Variants in SLC20A2 observed in about 807,000 individuals in gnomAD.
The protein encoded by SLC20A2 is solute carrier family 20 member 2, also known as sodium-dependent phosphate transporter 2.
In SLC20A2, 30 loss-of-function variants were observed where a neutral mutation model predicts 61.0. The ratio of observed to expected loss-of-function variants is 0.49; its 90% CI spans 0.37 to 0.67. SLC20A2 has a LOEUF of 0.67. Among genes scored for constraint, SLC20A2 ranks in the 30% least tolerant of loss-of-function variants. SLC20A2 has a pLI of 0.00. For synonymous variants in SLC20A2, 351 were observed against 353.3 expected, an observed-to-expected ratio of 0.99 and a Z score of 0.07; for missense variants, 626 against 866.4, an observed-to-expected ratio of 0.72 and a Z score of 3.48.
At chr8:42,460,158 G>T in intron 4 of SLC20A2, 166 bp from the exon 5 acceptor site, 1 of 538,646 alleles carries the variant, frequency 1.9e-6, no homozygotes, top group Non-Finnish European at 3.4e-6. Flanking sequence ...CACTTCTGCA[G>T]AAATGGCATT....
At chr8:42,541,055 G>T (rs1480413788) in intron 1 of SLC20A2, 1 of 152,118 alleles carries the variant, frequency 6.6e-6, no homozygotes, top group Admixed American at 6.5e-5. Context: ...ATATGAAAAG[G>T]GACTCTATGC....
At position 42,526,566 on chromosome 8, in the gene SLC20A2, G is replaced by A. The variant is rs940606038; in HGVS notation, c.-265+15255C>T. On this transcript the variant is annotated intron_variant, in intron 1 of 10. Coordinates refer to the SLC20A2 transcript ENST00000342228. ...TGGGCACCTGTAGTCTCAGCTACTC[G>A]GGAGGCTGAGCCAGGAGAATGGCGT... is the stretch of plus-strand genomic sequence containing the variant. Among the ~76,000 whole-genome samples, 101 of 151,820 alleles carry A rather than the reference G, an allele frequency of 6.7e-4. 1 individual carries two copies. Among genetic ancestry groups the A allele is most frequent in the African/African-American group, 2.3e-3 (94 of 41,394 alleles).
chr8:42,538,551 G>A (rs1049991507), intron 1 of SLC20A2, among the ~76,000 whole-genome samples: 2 of 152,164 alleles, frequency 1.3e-5, no homozygotes, highest in African/African-American at 4.8e-5. Flanking sequence ...AGTGGAGAGA[G>A]GATTCCCCAG....
chr8:42,477,955 G>A (rs549612087), intron 1 of SLC20A2, among the ~76,000 whole-genome samples: 3 of 151,180 alleles, frequency 2.0e-5, no homozygotes, highest in East Asian at 3.9e-4. Flanking sequence ...GCGTGATCTC[G>A]GCTCACTGCA....
At chr8:42,488,661 T>C (rs879768638) in intron 1 of SLC20A2, among the ~76,000 whole-genome samples, 2 of 152,178 alleles carry the variant, frequency 1.3e-5, no homozygotes, top group African/African-American at 2.4e-5. Flanking sequence ...TTCTCACCAA[T>C]AGTGCACAAG....
chr8:42,511,637 A>G (rs1811039938), intron 1 of SLC20A2, among the ~76,000 whole-genome samples: 1 of 151,918 alleles, frequency 6.6e-6, no homozygotes, highest in African/African-American at 2.4e-5. Flanking sequence ...AAAAAAAAAA[A>G]AGAAGTGGTC....
At chr8:42,428,644 G>T in intron 10 of SLC20A2, 114 bp downstream of exon 10, 1 of 805,088 alleles carries the variant, frequency 1.2e-6, no homozygotes, top group Non-Finnish European at 1.9e-6. Flanking sequence ...AGAACCTGGA[G>T]CTGCATTTTG....
chr8:42,441,537 C>T (rs748471128), intron 6 of SLC20A2, among the ~76,000 whole-genome samples: 32 of 151,434 alleles, frequency 2.1e-4, no homozygotes, highest in Non-Finnish European at 3.7e-4. Context: ...GGCGCGATCT[C>T]GGATCACTGC....
At chr8:42,514,438 C>A (rs1811203493) in intron 1 of SLC20A2, among the ~76,000 whole-genome samples, 2 of 152,100 alleles carry the variant, frequency 1.3e-5, no homozygotes, top group African/African-American at 4.8e-5. Flanking sequence ...TACGGACTTG[C>A]ATGAATGCCA....
At chr8:42,515,463 A>C (rs77536928) in intron 1 of SLC20A2, among the ~76,000 whole-genome samples, 6 of 152,330 alleles carry the variant, frequency 3.9e-5, no homozygotes, top group African/African-American at 1.4e-4. Context: ...GTATGGTAAC[A>C]GAATATAGTA....
At position 42,456,604 on chromosome 8, in the gene SLC20A2, C is replaced by T. The variant is rs190205058; in HGVS notation, c.613+3292G>A. 1.3e-3 allele frequency among the ~76,000 whole-genome samples: 204 copies of T among 151,896 alleles called. 2 individuals are homozygous for T. Among genetic ancestry groups the T allele is most frequent in the African/African-American group, 4.3e-3 (177 of 41,426 alleles). ...AAAATTAGCCAGGCGTGGTGGCAGG[C>T]GCCAGTAATCCCAGCTACTTGGGAA... is the stretch of plus-strand genomic sequence containing the variant. On this transcript the variant is annotated intron_variant, in intron 5 of 10. Coordinates refer to ENST00000520262, the MANE Select transcript of SLC20A2 (RefSeq NM_001257180.2).
At chr8:42,451,371 G>A (rs770584206) in intron 5 of SLC20A2, among the ~76,000 whole-genome samples, 13 of 146,874 alleles carry the variant, frequency 8.9e-5, no homozygotes, top group Non-Finnish European at 1.5e-4. Context: ...AGAGATGGAA[G>A]AGGAAGAGAT....
chr8:42,540,682 T>C (rs1408282765), intron 1 of SLC20A2, among the ~76,000 whole-genome samples: 2 of 152,230 alleles, frequency 1.3e-5, no homozygotes, highest in African/African-American at 4.8e-5. Context: ...CAGGGTTTCA[T>C]GTGACTTATA....
chr8:42,422,965 T>C (rs1191035753), intron 10 of SLC20A2, among the ~76,000 whole-genome samples: 1 of 152,196 alleles, frequency 6.6e-6, no homozygotes, highest in African/African-American at 2.4e-5. Context: ...TTTGCTTCTA[T>C]ATTTCTTACA....
intron 2 of SLC20A2, among the ~76,000 whole-genome samples, chr8:42,469,202 G>A (rs1807430352): frequency 6.6e-6 from 1 of 152,156 alleles, no homozygotes; most frequent in African/African-American, 2.4e-5. Context: ...CTGTGGTTTT[G>A]GCCAATGGTA....
rs546300480 is a variant in SLC20A2 at position 42,449,966 on chromosome 8, C to T, written c.614-5204G>A. ...GATATCTTCTCATAGTAAACATTCACACTTATGTGTGCACACACATGCACA... is the reference window on the plus strand; with the variant it reads ...GATATCTTCTCATAGTAAACATTCATACTTATGTGTGCACACACATGCACA... On this transcript the variant is annotated intron_variant, in intron 5 of 10. Transcript: ENST00000520262. Among the ~76,000 whole-genome samples the T allele has an allele frequency of 8.5e-5, 13 of 152,322 alleles. No homozygotes were observed. In the South Asian group the frequency reaches 1.7e-3, roughly 19 times the overall value.
chr8:42,452,385 G>T (rs1805801713), intron 5 of SLC20A2, among the ~76,000 whole-genome samples: 1 of 145,682 alleles, frequency 6.9e-6, no homozygotes, highest in Non-Finnish European at 1.5e-5. Flanking sequence ...AGGAGAAGGA[G>T]GAAGAGATGG....
At chr8:42,436,884 G>T in intron 8 of SLC20A2, 105 bp downstream of exon 8, 2 of 1,029,764 alleles carry the variant, frequency 1.9e-6, no homozygotes, top group Non-Finnish European at 2.8e-6. Flanking sequence ...CCCTGGCAGG[G>T]ACTTCCATCG....
chr8:42,515,336 G>A (rs1432352673), intron 1 of SLC20A2, among the ~76,000 whole-genome samples: 2 of 152,034 alleles, frequency 1.3e-5, no homozygotes, highest in African/African-American at 4.8e-5. Context: ...AAGGTGGGGT[G>A]GGGATATAAA....
Sources: gnomAD v4.1 joint callset for allele counts (sites outside exome capture counted in the v4.1 genomes callset) on GRCh38, gnomAD v4.1.1 for gene constraint, MANE v1.5 for transcripts, NCBI Gene and HGNC (gene_info 2026-07-23, HGNC 2026-07-21) for gene names.